Variants in FHL2 observed in about 807,000 individuals in gnomAD.
The protein encoded by FHL2 is four and a half LIM domains protein 2.
FHL2 carries 20 observed loss-of-function variants against 32.7 expected under a neutral mutation model. The ratio of observed to expected loss-of-function variants is 0.61; its 90% CI spans 0.43 to 0.89. The LOEUF is 0.89. Ranked by LOEUF, FHL2 falls within the 40% of genes least tolerant of loss-of-function variation. The pLI is 0.00. For synonymous variants in FHL2, 123 were observed against 128.1 expected, an observed-to-expected ratio of 0.96 and a Z score of 0.27; for missense variants, 311 against 358.6, an observed-to-expected ratio of 0.87 and a Z score of 1.07.
At chr2:105,388,146 A>C (rs1019082287) in intron 2 of FHL2, among the ~76,000 whole-genome samples, 1 of 152,172 alleles carries the variant, frequency 6.6e-6, no homozygotes, top group African/African-American at 2.4e-5. Context: ...AGCAGAAAAC[A>C]TAACACTTGG....
At position 105,373,653 on chromosome 2, in the gene FHL2, G is replaced by T; in HGVS notation, c.237C>A (p.Pro79=). The change falls in exon 4 of 7, where the codon CCC becomes CCA. Residue 79 remains proline (P), a synonymous_variant. Transcript: ENST00000530340. ...SQCRNSLVDK[P]FAAKEDQLLC... ...GCAGCTGGTCCTCCTTGGCAGCAAA[G>T]GGCTTGTCCACCAGTGAGTTTCTGC... 1 of 1,614,228 alleles carries T rather than the reference G, an allele frequency of 6.2e-7. No individual in the cohort carries two copies. The highest frequency in any genetic ancestry group is 8.5e-7 in the Non-Finnish European group (1 of 1,180,036).
intron 1 of FHL2, among the ~76,000 whole-genome samples, chr2:105,433,185 T>C (rs927162341): frequency 1.0e-4 from 15 of 150,524 alleles, no homozygotes; most frequent in Admixed American, 2.0e-4. Context: ...TCTTCTTCTT[T>C]TTTTTTTTTT....
intron 1 of FHL2, among the ~76,000 whole-genome samples, chr2:105,417,738 T>C (rs1195592881): frequency 6.6e-6 from 1 of 151,236 alleles, no homozygotes. Context: ...GATGTGTGTG[T>C]TTAAGGGTCC....
At chr2:105,422,195 T>C (rs1034590470) in intron 1 of FHL2, among the ~76,000 whole-genome samples, 1 of 152,216 alleles carries the variant, frequency 6.6e-6, no homozygotes, top group Admixed American at 6.5e-5. Context: ...TTGGTTTGCT[T>C]ATGTTTGTAA....
chr2:105,395,640 G>A (rs953785016), intron 2 of FHL2, among the ~76,000 whole-genome samples: 1 of 152,190 alleles, frequency 6.6e-6, no homozygotes, highest in South Asian at 2.1e-4. Flanking sequence ...TTGACTGCCT[G>A]CTTCTTAGTG....
chr2:105,399,207 G>A (rs1031050091), upstream of FHL2: 7 of 1,467,642 alleles, frequency 4.8e-6, no homozygotes, highest in Non-Finnish European at 3.6e-6. Context: ...GGGCTGCGGC[G>A]GTCCCGGCCC....
chr2:105,422,415 A>G (rs548039007), intron 1 of FHL2, among the ~76,000 whole-genome samples: 1 of 152,224 alleles, frequency 6.6e-6, no homozygotes, highest in Non-Finnish European at 1.5e-5. Context: ...AAAACTACTT[A>G]GGAAGCAAAA....
rs113285172 is a variant in FHL2 at position 105,398,984 on chromosome 2, C to T, written c.-218G>A. On this transcript the variant is annotated 5_prime_UTR_variant, in exon 1 of 7. Transcript: ENST00000530340. ...GAGGTACTCACGGCACCGCAGCGGGCCGGGGACTCCCGGACGGGGCTGGAG... is the reference window on the plus strand; with the variant it reads ...GAGGTACTCACGGCACCGCAGCGGGTCGGGGACTCCCGGACGGGGCTGGAG... 2 of 1,508,186 alleles carry T rather than the reference C, an allele frequency of 1.3e-6. No individual in the cohort carries two copies. Among genetic ancestry groups the T allele is most frequent in the East Asian group, 2.7e-5 (1 of 36,394 alleles). The allele number at this position is 1,508,186 out of a possible 1,614,324, so 93.4% of individuals were successfully genotyped here.
chr2:105,405,821 G>A (rs960212223), intron 1 of FHL2, among the ~76,000 whole-genome samples: 12 of 152,358 alleles, frequency 7.9e-5, no homozygotes, highest in African/African-American at 2.9e-4. Flanking sequence ...ATGGAGCAGT[G>A]TATGTGGCCA....
chr2:105,376,620 T>G (rs1681492608), intron 3 of FHL2: 1 of 152,212 alleles, frequency 6.6e-6, no homozygotes. Flanking sequence ...TGGCTGATAT[T>G]AAAAGTAGAA....
At chr2:105,429,039 T>G (rs1422564742) in intron 1 of FHL2, among the ~76,000 whole-genome samples, 1 of 152,204 alleles carries the variant, frequency 6.6e-6, no homozygotes, top group Non-Finnish European at 1.5e-5. Context: ...ACTGTGAGCC[T>G]TTGGCGTCCT....
chr2:105,371,825 T>A (rs1681097744), intron 4 of FHL2, among the ~76,000 whole-genome samples: 1 of 152,148 alleles, frequency 6.6e-6, no homozygotes. Context: ...ATGTCGTGGT[T>A]CTTATTGTTA....
chr2:105,394,137 G>GTGTGTA (rs1558712125), intron 2 of FHL2, among the ~76,000 whole-genome samples: 2 of 152,018 alleles, frequency 1.3e-5, no homozygotes, highest in Non-Finnish European at 2.9e-5. Context: ...ATTTTCCTAC[G>GTGTGTA]GATGGGAGTA....
In FHL2 at chr2:105,368,522, C is replaced by T. The variant is rs144109829; in HGVS notation, c.332-783G>A. ...ATCTTCATGTGTTACTTGTACATCC[C>T]ATTTAGTAATTGCCTAAACCTACGC... On this transcript the variant is annotated intron_variant, in intron 4 of 6. Transcript: ENST00000530340. Among the ~76,000 whole-genome samples, 395 of 152,240 alleles carry T rather than the reference C, an allele frequency of 2.6e-3. 4 individuals are homozygous for T. The highest frequency in any genetic ancestry group is 9.1e-3 in the African/African-American group (379 of 41,544).
At chr2:105,361,946 G>T (rs1356575480) in intron 6 of FHL2, among the ~76,000 whole-genome samples, 2 of 152,326 alleles carry the variant, frequency 1.3e-5, no homozygotes, top group African/African-American at 2.4e-5. Flanking sequence ...AAGATCCTGA[G>T]AAAGCTGCAG....
rs758345643 is a variant in FHL2 at position 105,386,367 on chromosome 2, G to T, written c.150C>A (p.Asp50Glu). The T allele has an allele frequency of 2.5e-6, 4 of 1,613,878 alleles. No homozygotes were observed. Among genetic ancestry groups the T allele is most frequent in the Non-Finnish European group, 3.4e-6 (4 of 1,179,942 alleles). Residue 50 changes from aspartate to glutamate, a missense_variant, in exon 3 of 7, where the codon GAC (aspartate) becomes GAA (glutamate). Asp to Glu is a conservative substitution (Grantham distance 45). Transcript: ENST00000530340. Reference sequence around the variant, plus strand: ...AGAGGCCCGCAGCAGGTACCTTGCAGTCACAGCCGATGGGCTTCCCACACT... The same window carrying T: ...AGAGGCCCGCAGCAGGTACCTTGCATTCACAGCCGATGGGCTTCCCACACT... Reference protein sequence around the residue: ...CEECGKPIGCDCKDLSYKDRH... With the variant: ...CEECGKPIGCECKDLSYKDRH...
intron 3 of FHL2, among the ~76,000 whole-genome samples, chr2:105,381,762 G>A (rs1045524121): frequency 3.0e-4 from 46 of 152,032 alleles, no homozygotes; most frequent in African/African-American, 1.1e-3. Context: ...AATTCTACAC[G>A]GAAGAAGATC....
intron 4 of FHL2, among the ~76,000 whole-genome samples, chr2:105,370,067 T>C (rs778242411): frequency 9.2e-5 from 14 of 152,304 alleles, no homozygotes; most frequent in Non-Finnish European, 2.1e-4. Flanking sequence ...AGGGATGTCT[T>C]AATCTGATTC....
chr2:105,409,919 C>A (rs900399955), intron 1 of FHL2, among the ~76,000 whole-genome samples: 17 of 152,220 alleles, frequency 1.1e-4, no homozygotes, highest in African/African-American at 3.9e-4. Flanking sequence ...GACTCCCACA[C>A]GAGGGCCAGT....
Sources: allele counts gnomAD v4.1 joint callset (sites outside exome capture counted in the v4.1 genomes callset), GRCh38; gene constraint gnomAD v4.1.1; transcripts MANE v1.5; gene names NCBI Gene and HGNC (gene_info 2026-07-23, HGNC 2026-07-21).